The following ATXN1 variants were observed in gnomAD, a reference collection of about 807,000 sequenced individuals.
The protein encoded by ATXN1 is ataxin 1, also known as ataxin-1.
Under a neutral mutation model 56.4 loss-of-function variants are expected in ATXN1, and 8 were observed. That is an observed-to-expected ratio of 0.14 (90% CI 0.08 to 0.26). ATXN1 has a LOEUF of 0.26. ATXN1 is among the 10% of genes least tolerant of loss of function. The probability of loss-of-function intolerance (pLI) is 1.00; values close to 1 mark genes in which losing one functional copy is unlikely to be tolerated. For missense variants in ATXN1, 987 were observed against 1,106.5 expected (o/e 0.89, Z 1.53); for synonymous variants, 514 against 494.6 (o/e 1.04, Z -0.52).
chr6:16,704,021 A>G (rs180676298), intron 2 of ATXN1, among the ~76,000 whole-genome samples: 1 of 152,346 alleles, frequency 6.6e-6, no homozygotes, highest in Non-Finnish European at 1.5e-5. Flanking sequence ...TTCCATCTCA[A>G]AAAAACAAAG....
At chr6:16,736,690 T>C (rs1321004750) in intron 2 of ATXN1, among the ~76,000 whole-genome samples, 4 of 152,240 alleles carry the variant, frequency 2.6e-5, no homozygotes, top group Non-Finnish European at 5.9e-5. Flanking sequence ...GTGAATTTGA[T>C]GCATATTCCA....
Position 16,504,638 on chromosome 6 carries a change from G to C in ATXN1, c.-299+17989C>G, listed in dbSNP as rs559933288. ...AGAAGCAAAAAGCAAAGAAGGAAAAGGACTTGAAAAGGGTGACAAGTCACT... is the reference window on the plus strand; with the variant it reads ...AGAAGCAAAAAGCAAAGAAGGAAAACGACTTGAAAAGGGTGACAAGTCACT... On this transcript the variant is annotated intron_variant, in intron 5 of 7. Transcript: ENST00000436367. Among the ~76,000 whole-genome samples the C allele has an allele frequency of 4.2e-4, 64 of 152,276 alleles. No individual in the cohort carries two copies. In the South Asian group the frequency reaches 0.013, roughly 30 times the overall value.
chr6:16,329,287 C>T (rs1441889498), intron 6 of ATXN1, among the ~76,000 whole-genome samples: 1 of 152,026 alleles, frequency 6.6e-6, no homozygotes, highest in Non-Finnish European at 1.5e-5. Flanking sequence ...AGTGAAAGTC[C>T]AGAACAGTCC....
chr6:16,359,657 G>A (rs1249914060), intron 6 of ATXN1, among the ~76,000 whole-genome samples: 2 of 152,098 alleles, frequency 1.3e-5, no homozygotes, highest in Non-Finnish European at 2.9e-5. Context: ...CTTATAGAGA[G>A]GAGCTCCCCA....
intron 4 of ATXN1, among the ~76,000 whole-genome samples, chr6:16,532,329 C>A (rs2113707609): frequency 6.6e-6 from 1 of 152,306 alleles, no homozygotes; most frequent in Admixed American, 6.5e-5. Flanking sequence ...GAACCTCGTC[C>A]ATGATAAGCA....
chr6:16,508,943 G>C (rs1761030069), intron 5 of ATXN1, among the ~76,000 whole-genome samples: 1 of 152,108 alleles, frequency 6.6e-6, no homozygotes, highest in Admixed American at 6.6e-5. Flanking sequence ...CTTAAAAAAA[G>C]AAATTCTGAC....
intron 5 of ATXN1, among the ~76,000 whole-genome samples, chr6:16,521,805 T>C (rs1163256309): frequency 6.6e-6 from 1 of 152,112 alleles, no homozygotes; most frequent in African/African-American, 2.4e-5. Context: ...GATGCAGTGG[T>C]TTGGAAAGGG....
At chr6:16,399,251 T>G (rs186244061) in intron 6 of ATXN1, among the ~76,000 whole-genome samples, 41 of 152,342 alleles carry the variant, frequency 2.7e-4, no homozygotes, top group Non-Finnish European at 4.6e-4. Context: ...CTAACACCAT[T>G]ACCCTGGCAA....
intron 4 of ATXN1, among the ~76,000 whole-genome samples, chr6:16,558,705 C>T (rs896698266): frequency 6.6e-5 from 10 of 151,670 alleles, no homozygotes; most frequent in East Asian, 5.8e-4. Context: ...ATAAAAAATA[C>T]GAGACAATTT....
At chr6:16,504,993 C>CTTTTTTTTTTTTT (rs34197922) in intron 5 of ATXN1, among the ~76,000 whole-genome samples, 4 of 135,318 alleles carry the variant, frequency 3.0e-5, no homozygotes, top group African/African-American at 8.6e-5. Flanking sequence ...CTCCTGTTTC[C>CTTTTTTTTTTTTT]TTTTTTTTTT....
intron 6 of ATXN1, among the ~76,000 whole-genome samples, chr6:16,340,071 G>A (rs1377380279): frequency 3.3e-5 from 5 of 152,130 alleles, no homozygotes; most frequent in East Asian, 1.9e-4. Context: ...ATGAGCCACC[G>A]CGCCTGACCA....
chr6:16,306,536 T>G lies in ATXN1; in HGVS notation c.2241A>C (p.Pro747=). ...MLSENGELKF[P]EKMGLPAAPF... is the part of the protein sequence containing the mutation. ...GCGCTGCAGGCAATCCCATTTTCTCTGGAAACTTCAGTTCGCCATTCTCAG... is the reference window on the plus strand; with the variant it reads ...GCGCTGCAGGCAATCCCATTTTCTCGGGAAACTTCAGTTCGCCATTCTCAG... Residue 747 remains proline, a synonymous_variant, in exon 8 of 8, where the codon CCA becomes CCC. Coordinates refer to ENST00000436367, the MANE Select transcript of ATXN1 (RefSeq NM_001128164.2). The surrounding 1 kb of genome is among the most constrained non-coding windows in gnomAD (Gnocchi z 5.2). 2.5e-6 allele frequency: 4 copies of G among 1,614,218 alleles called. No individual in the cohort carries two copies. Among genetic ancestry groups the G allele is most frequent in the Non-Finnish European group, 3.4e-6 (4 of 1,180,026 alleles).
chr6:16,681,434 T>C (rs1561806196), intron 2 of ATXN1, among the ~76,000 whole-genome samples: 1 of 152,202 alleles, frequency 6.6e-6, no homozygotes, highest in East Asian at 1.9e-4. Context: ...AGGAAAAAAG[T>C]TGTAACAAGT....
chr6:16,384,612 G>A (rs1234799315), intron 6 of ATXN1, among the ~76,000 whole-genome samples: 2 of 152,228 alleles, frequency 1.3e-5, no homozygotes, highest in African/African-American at 4.8e-5. Flanking sequence ...GAAGGGCCTG[G>A]TGGGAGATGA....
At chr6:16,472,803 G>A (rs961259288) in intron 6 of ATXN1, among the ~76,000 whole-genome samples, 13 of 152,166 alleles carry the variant, frequency 8.5e-5, no homozygotes, top group East Asian at 1.9e-4. Context: ...GACATGGCAC[G>A]CAGAGGGTCT....
At chr6:16,568,174 T>C (rs1762263605) in intron 4 of ATXN1, among the ~76,000 whole-genome samples, 1 of 152,232 alleles carries the variant, frequency 6.6e-6, no homozygotes, top group Non-Finnish European at 1.5e-5. Context: ...TTCATAGCCA[T>C]GAATCCTATT....
chr6:16,531,487 G>A (rs1451040559), intron 4 of ATXN1, among the ~76,000 whole-genome samples: 2 of 152,108 alleles, frequency 1.3e-5, no homozygotes, highest in African/African-American at 4.8e-5. Context: ...GCTGGGCGTG[G>A]TGGCAGACAC....
chr6:16,375,844 T>C (rs1762131606), intron 6 of ATXN1, among the ~76,000 whole-genome samples: 1 of 152,244 alleles, frequency 6.6e-6, no homozygotes, highest in Admixed American at 6.5e-5. Flanking sequence ...GGTGTTTCCT[T>C]CTGGCACAAG....
intron 6 of ATXN1, among the ~76,000 whole-genome samples, chr6:16,367,454 T>C (rs556181500): frequency 4.2e-4 from 63 of 151,524 alleles, no homozygotes; most frequent in South Asian, 2.5e-3. Flanking sequence ...TAAGTCTAGA[T>C]AAAGGGGAGA....
Sources: allele counts gnomAD v4.1 joint callset (sites outside exome capture counted in the v4.1 genomes callset), GRCh38; gene constraint gnomAD v4.1.1; non-coding constraint Gnocchi (gnomAD v3.1); transcripts MANE v1.5; gene names NCBI Gene and HGNC (gene_info 2026-07-23, HGNC 2026-07-21).